The following STRN variants were observed in gnomAD, a reference collection of about 807,000 sequenced individuals.
The protein encoded by STRN is protein phosphatase 2 regulatory subunit B'''alpha.
A neutral mutation model predicts 96.3 loss-of-function variants in STRN; 53 were observed. That is an observed-to-expected ratio of 0.55 (90% confidence interval 0.44 to 0.69). The LOEUF (loss-of-function observed/expected upper bound fraction) is 0.69, where lower values mean the gene tolerates loss of function less well. Among genes scored for constraint, STRN ranks in the 30% least tolerant of loss-of-function variants. The pLI is 0.00. For missense variants in STRN, 987 were observed against 963.9 expected, an observed-to-expected ratio of 1.02 and a Z score of -0.32; for synonymous variants, 428 against 355.9, an observed-to-expected ratio of 1.20 and a Z score of -2.28.
In STRN at chr2:36,886,132, C is replaced by T. The variant is rs114800105; in HGVS notation, c.1042+584G>A. On this transcript the variant is annotated intron_variant, in intron 8 of 17. Transcript: ENST00000263918. ...GCATACATTAAAAAGGAAAAAAGGT[C>T]ATTGGTAATAATGTTATAAGTAAAA... Among the ~76,000 whole-genome samples, 981 of 152,110 alleles carry T rather than the reference C, an allele frequency of 6.4e-3. 16 individuals carry two copies. The highest frequency in any genetic ancestry group is 0.023 in the African/African-American group (935 of 41,504).
At chr2:36,958,567 G>C (rs1203965172) in intron 1 of STRN, among the ~76,000 whole-genome samples, 2 of 152,136 alleles carry the variant, frequency 1.3e-5, no homozygotes, top group African/African-American at 4.8e-5. Context: ...AAAATTAATG[G>C]AGTGGAAGAT....
At chr2:36,877,181 T>C (rs539421419) in intron 10 of STRN, among the ~76,000 whole-genome samples, 59 of 152,362 alleles carry the variant, frequency 3.9e-4, no homozygotes, top group African/African-American at 9.9e-4. Flanking sequence ...TATACATCCA[T>C]GCCTACTACT....
rs1668009958 is a variant in STRN, at chr2:36,844,143, A to C, written c.*5313T>G. Reference sequence around the variant, plus strand: ...ATATTAAAAAGAAGTGGTTCCTCCTAAAAAAGGTATTAGATCATAGAGTTG... The same window carrying C: ...ATATTAAAAAGAAGTGGTTCCTCCTCAAAAAGGTATTAGATCATAGAGTTG... On this transcript the variant is annotated 3_prime_UTR_variant, in exon 18 of 18. Coordinates refer to ENST00000263918, the MANE Select transcript of STRN (RefSeq NM_003162.4). The C allele has an allele frequency of 6.6e-6, 1 of 151,462 alleles. No homozygotes were observed. Among genetic ancestry groups the C allele is most frequent in the Non-Finnish European group, 1.5e-5 (1 of 68,018 alleles). 9.4% of individuals were successfully genotyped at this position (151,462 alleles called of 1,614,324 possible).
chr2:36,961,797 A>C (rs548055610), intron 1 of STRN, among the ~76,000 whole-genome samples: 6 of 152,278 alleles, frequency 3.9e-5, no homozygotes, highest in Admixed American at 2.0e-4. Flanking sequence ...CCTGTCTGAC[A>C]TGACTTCTTC....
At chr2:36,859,385 C>T (rs553926563) in intron 13 of STRN, among the ~76,000 whole-genome samples, 1 of 151,970 alleles carries the variant, frequency 6.6e-6, no homozygotes, top group African/African-American at 2.4e-5. Flanking sequence ...GAGTCATTAC[C>T]AAAAAACTAG....
At chr2:36,922,518 CAAAAAAA>C (rs749446955) in intron 2 of STRN, among the ~76,000 whole-genome samples, 3 of 91,162 alleles carry the variant, frequency 3.3e-5, no homozygotes, top group East Asian at 3.9e-4. Context: ...GACCCTGTCT[CAAAAAAA>C]AAAAAAAAAA....
rs1343866657 is a variant in STRN at position 36,841,126 on chromosome 2, C to G, written c.*8330G>C. On this transcript the variant is annotated 3_prime_UTR_variant, in exon 18 of 18. Coordinates refer to ENST00000263918, the MANE Select transcript of STRN (RefSeq NM_003162.4). Reference sequence around the variant, plus strand: ...AATTGTGATTAGTAGATGTGTATTCCTACGTATTCTACAGCAATGAGAAAT... The same window carrying G: ...AATTGTGATTAGTAGATGTGTATTCGTACGTATTCTACAGCAATGAGAAAT... 6.6e-6 allele frequency: 1 copy of G among 150,930 alleles called. No individual in the cohort carries two copies. The highest frequency in any genetic ancestry group is 1.5e-5 in the Non-Finnish European group (1 of 67,852). 9.3% of individuals were successfully genotyped at this position (150,930 alleles called of 1,614,324 possible).
At chr2:36,948,975 G>A (rs1475691175) in intron 1 of STRN, among the ~76,000 whole-genome samples, 2 of 152,226 alleles carry the variant, frequency 1.3e-5, no homozygotes, top group Non-Finnish European at 2.9e-5. Context: ...AAAGAGTACA[G>A]GCATGTGTTG....
chr2:36,851,191 A>G, intron 15 of STRN, 84 bp from the exon 16 acceptor site: 1 of 1,281,410 alleles, frequency 7.8e-7, no homozygotes, highest in Non-Finnish European at 1.1e-6. Flanking sequence ...TATCTAAGAG[A>G]CTGAAAAAGT....
At chr2:36,915,232 AATATATATATATATATATATATATATAT>A (rs72466696) in intron 3 of STRN, among the ~76,000 whole-genome samples, 7 of 86,500 alleles carry the variant, frequency 8.1e-5, no homozygotes, top group East Asian at 4.3e-4. Context: ...TGAATACATA[AATATATATATATATATATATATATATAT>A]ATATATATAT....
intron 7 of STRN, among the ~76,000 whole-genome samples, chr2:36,888,294 A>C (rs1669291542): frequency 6.6e-6 from 1 of 152,120 alleles, no homozygotes; most frequent in Non-Finnish European, 1.5e-5. Flanking sequence ...GTCTATTCTC[A>C]ATGTAGCAGC....
At chr2:36,883,821 C>A in intron 9 of STRN, 111 bp downstream of exon 9, 1 of 1,051,158 alleles carries the variant, frequency 9.5e-7, no homozygotes, top group Non-Finnish European at 1.2e-6. Context: ...CTATGCAGAT[C>A]AAACATCTGC....
chr2:36,953,488 C>G (rs992580516), intron 1 of STRN, among the ~76,000 whole-genome samples: 1 of 151,362 alleles, frequency 6.6e-6, no homozygotes, highest in African/African-American at 2.4e-5. Flanking sequence ...CTGCAAGCTC[C>G]GCCTCCCAGG....
At chr2:36,854,380 A>G (rs17019982) in intron 15 of STRN, among the ~76,000 whole-genome samples, 3,075 of 152,236 alleles carry the variant, frequency 0.02, 101 homozygotes, top group African/African-American at 0.07. Flanking sequence ...AGTTCTATTC[A>G]TGCTTACTTC....
chr2:36,881,748 T>C (rs1158652642), intron 9 of STRN, among the ~76,000 whole-genome samples: 2 of 152,228 alleles, frequency 1.3e-5, no homozygotes, highest in African/African-American at 2.4e-5. Flanking sequence ...ATTTAGTAAA[T>C]AGTATATATC....
intron 2 of STRN, among the ~76,000 whole-genome samples, chr2:36,921,706 T>A (rs557562735): frequency 5.9e-5 from 6 of 101,550 alleles, no homozygotes; most frequent in Middle Eastern, 4.7e-3. Context: ...TTTTTTTTGT[T>A]GATGTGTCTA....
chr2:36,857,207 G>T (rs1477986996), intron 14 of STRN, among the ~76,000 whole-genome samples: 1 of 151,638 alleles, frequency 6.6e-6, no homozygotes, highest in African/African-American at 2.4e-5. Flanking sequence ...GATTACAGGT[G>T]TGAGCCACCA....
intron 14 of STRN, among the ~76,000 whole-genome samples, chr2:36,857,339 A>G (rs1220501219): frequency 6.6e-6 from 1 of 152,144 alleles, no homozygotes; most frequent in Non-Finnish European, 1.5e-5. Context: ...TTAATTTTTT[A>G]AAATCTAAAA....
chr2:36,929,121 T>TAC (rs1670500790), intron 1 of STRN, among the ~76,000 whole-genome samples: 1 of 152,092 alleles, frequency 6.6e-6, no homozygotes. Flanking sequence ...TTTATACGTA[T>TAC]TTTTCACAGT....
Sources: gnomAD v4.1 joint callset for allele counts (sites outside exome capture counted in the v4.1 genomes callset) on GRCh38, gnomAD v4.1.1 for gene constraint, MANE v1.5 for transcripts, NCBI Gene and HGNC (gene_info 2026-07-23, HGNC 2026-07-21) for gene names.